GLIS3: variants seen among roughly 807,000 people sequenced by gnomAD.
The protein encoded by GLIS3 is GLIS family zinc finger 3.
In GLIS3, 53 loss-of-function variants were observed where a neutral mutation model predicts 78.6. That is an observed-to-expected ratio of 0.67 (90% CI 0.54 to 0.85). GLIS3 has a LOEUF of 0.85. Among genes scored for constraint, GLIS3 ranks in the 40% least tolerant of loss-of-function variants. The pLI is 0.00. For missense variants in GLIS3, 1,703 were observed against 1,231.1 expected (o/e 1.38, Z -5.74); for synonymous variants, 684 against 509.9 (o/e 1.34, Z -4.60).
the GLIS3 span, among the ~76,000 whole-genome samples, chr9:4,439,047 A>G: frequency 2.2e-4 from 34 of 152,270 alleles, no homozygotes; most frequent in African/African-American, 5.3e-4. Flanking sequence ...ATAATGGCCA[A>G]TGTTGGTTCC....
the GLIS3 span, among the ~76,000 whole-genome samples, chr9:4,429,345 C>G: frequency 6.6e-6 from 1 of 152,050 alleles, no homozygotes; most frequent in Non-Finnish European, 1.5e-5. Context: ...ATTCCCCCTT[C>G]TCTTGACCCA....
At chr9:4,100,727 AG>A (rs531357628) in intron 4 of GLIS3, among the ~76,000 whole-genome samples, 2 of 152,046 alleles carry the variant, frequency 1.3e-5, no homozygotes, top group South Asian at 2.1e-4. Context: ...TATAATATTG[AG>A]GGGGGGACAA....
chr9:4,027,893 C>T (rs1262125727), intron 4 of GLIS3, among the ~76,000 whole-genome samples: 1 of 152,148 alleles, frequency 6.6e-6, no homozygotes. Context: ...CTCTTAAACC[C>T]CCTCAGCTTT....
rs111340704 is a variant in GLIS3, at chr9:3,855,691, T to C, written c.2473+318A>G. The C allele has an allele frequency of 1.3e-3, 483 of 373,558 alleles. 2 individuals carry two copies. The highest frequency in any genetic ancestry group is 9.6e-3 in the African/African-American group (460 of 47,714). The allele number at this position is 373,558 out of a possible 1,614,324, so 23.1% of individuals were successfully genotyped here. On this transcript the variant is annotated intron_variant, in intron 9 of 10. Transcript: ENST00000381971. The stretch of plus-strand genomic sequence containing the variant: ...AGGCATGCTTGGGCACAAGAACTCC[T>C]GTCATTTCTTTCTCCATGGGCTGTC...
intron 4 of GLIS3, among the ~76,000 whole-genome samples, chr9:3,993,794 T>C (rs1012567356): frequency 6.6e-6 from 1 of 152,270 alleles, no homozygotes; most frequent in Non-Finnish European, 1.5e-5. Flanking sequence ...GCTAGATTAC[T>C]ATTGGCCTAC....
chr9:4,037,086 G>C (rs1824380065), intron 4 of GLIS3, among the ~76,000 whole-genome samples: 2 of 152,136 alleles, frequency 1.3e-5, no homozygotes, highest in South Asian at 4.1e-4. Context: ...CTGAGCACCA[G>C]TTTTCCCCAT....
At chr9:4,381,355 G>C in the GLIS3 span, among the ~76,000 whole-genome samples, 1 of 152,084 alleles carries the variant, frequency 6.6e-6, no homozygotes, top group South Asian at 2.1e-4. Flanking sequence ...TTTTTTCACT[G>C]TCTGCCTGGC....
intron 2 of GLIS3, among the ~76,000 whole-genome samples, chr9:4,189,452 GA>G (rs1052150791): frequency 1.3e-5 from 2 of 152,104 alleles, no homozygotes; most frequent in African/African-American, 4.8e-5. Flanking sequence ...GTGTGGTGCT[GA>G]AAAAAATGTA....
At chr9:4,271,825 T>C (rs1433937858) in intron 2 of GLIS3, among the ~76,000 whole-genome samples, 3 of 152,092 alleles carry the variant, frequency 2.0e-5, no homozygotes, top group South Asian at 2.1e-4. Flanking sequence ...CAACAGTACA[T>C]AGTAAGATGT....
chr9:4,357,583 G>C, the GLIS3 span, among the ~76,000 whole-genome samples: 2 of 151,784 alleles, frequency 1.3e-5, no homozygotes, highest in Non-Finnish European at 2.9e-5. Flanking sequence ...GTGTGTGTGT[G>C]TGTGTGCATG....
chr9:4,181,840 C>T (rs888355454), intron 2 of GLIS3, among the ~76,000 whole-genome samples: 1 of 152,152 alleles, frequency 6.6e-6, no homozygotes, highest in Non-Finnish European at 1.5e-5. Context: ...AGACAGACCC[C>T]GTTCCAATTA....
In GLIS3 at chr9:4,075,446, G is replaced by A. The variant is rs1297840380; in HGVS notation, c.1710+42322C>T. Among the ~76,000 whole-genome samples the A allele has an allele frequency of 2.7e-5, 4 of 147,684 alleles. No homozygotes were observed. The East Asian group carries it at 8.1e-4, about 30-fold the overall frequency. On this transcript the variant is annotated intron_variant, in intron 4 of 10. Coordinates refer to ENST00000381971, the MANE Select transcript of GLIS3 (RefSeq NM_001042413.2). ...AAAAAATTAGCTGGGCATAGTGGCG[G>A]GTGCCTGTACTCCCAGCTACTCGGG...
intron 4 of GLIS3, among the ~76,000 whole-genome samples, chr9:4,094,309 A>G (rs1829769300): frequency 6.6e-6 from 1 of 152,248 alleles, no homozygotes; most frequent in Non-Finnish European, 1.5e-5. Flanking sequence ...GGAGAAATTG[A>G]CATGCTCATA....
intron 2 of GLIS3, among the ~76,000 whole-genome samples, chr9:4,134,547 G>C (rs1250632497): frequency 2.0e-5 from 3 of 152,120 alleles, no homozygotes; most frequent in Non-Finnish European, 2.9e-5. Context: ...CACCCTACAT[G>C]GTTGCTTCGA....
intron 7 of GLIS3, among the ~76,000 whole-genome samples, chr9:3,881,374 T>C (rs546356828): frequency 3.9e-5 from 6 of 152,328 alleles, no homozygotes; most frequent in African/African-American, 1.4e-4. Context: ...AGAGGTTTTT[T>C]TGTATGTATG....
At chr9:4,115,615 G>T (rs1831579500) in intron 4 of GLIS3, among the ~76,000 whole-genome samples, 1 of 151,978 alleles carries the variant, frequency 6.6e-6, no homozygotes, top group African/African-American at 2.4e-5. Flanking sequence ...GCTGCCAGTT[G>T]GCTATCACCC....
intron 4 of GLIS3, among the ~76,000 whole-genome samples, chr9:4,061,009 T>G (rs1051560286): frequency 6.6e-6 from 1 of 152,128 alleles, no homozygotes; most frequent in Non-Finnish European, 1.5e-5. Flanking sequence ...AATACCCCGT[T>G]CTTCTGGTTC....
chr9:4,221,812 G>A (rs1198947883), intron 2 of GLIS3, among the ~76,000 whole-genome samples: 1 of 152,200 alleles, frequency 6.6e-6, no homozygotes, highest in Non-Finnish European at 1.5e-5. Flanking sequence ...TTTGAGACAA[G>A]AACCTAAAAA....
the GLIS3 span, among the ~76,000 whole-genome samples, chr9:4,380,468 A>T: frequency 1.1e-4 from 16 of 152,224 alleles, no homozygotes; most frequent in Non-Finnish European, 4.4e-5. Context: ...AGCACCAAAG[A>T]AGATAAAAAT....
Sources: allele counts gnomAD v4.1 joint callset (sites outside exome capture counted in the v4.1 genomes callset), GRCh38; gene constraint gnomAD v4.1.1; transcripts MANE v1.5; gene names NCBI Gene and HGNC (gene_info 2026-07-23, HGNC 2026-07-21).